Variants in PHACTR1 observed in about 807,000 individuals in gnomAD.
The protein encoded by PHACTR1 is RPEL repeat containing 1.
A neutral mutation model predicts 69.2 loss-of-function variants in PHACTR1; 16 were observed. The ratio of observed to expected loss-of-function variants is 0.23; its 90% CI spans 0.16 to 0.35. PHACTR1 has a LOEUF of 0.35. Among genes scored for constraint, PHACTR1 ranks in the 10% least tolerant of loss-of-function variants. The probability of loss-of-function intolerance (pLI) is 1.00; values close to 1 mark genes in which losing one functional copy is unlikely to be tolerated. For synonymous variants in PHACTR1, 312 were observed against 284.5 expected (o/e 1.10, Z -0.97); for missense variants, 510 against 734.7 (o/e 0.69, Z 3.54).
At chr6:12,748,048 G>A (rs1047381690) in intron 3 of PHACTR1, among the ~76,000 whole-genome samples, 1 of 152,170 alleles carries the variant, frequency 6.6e-6, no homozygotes, top group African/African-American at 2.4e-5. Flanking sequence ...CTATTAGAAG[G>A]ACATGGATAG....
chr6:12,925,338 C>T (rs1239858222), intron 4 of PHACTR1, among the ~76,000 whole-genome samples: 3 of 152,158 alleles, frequency 2.0e-5, no homozygotes, highest in African/African-American at 7.2e-5. Context: ...TATTGGTCAT[C>T]TAGGTCAGCA....
chr6:12,854,047 A>G (rs1310981090), intron 4 of PHACTR1, among the ~76,000 whole-genome samples: 1 of 152,208 alleles, frequency 6.6e-6, no homozygotes, highest in Non-Finnish European at 1.5e-5. Flanking sequence ...ATGTATTGAC[A>G]ACCCCAGGTG....
chr6:12,743,723 C>T (rs559579865), intron 3 of PHACTR1, among the ~76,000 whole-genome samples: 12 of 152,256 alleles, frequency 7.9e-5, no homozygotes, highest in African/African-American at 2.9e-4. Flanking sequence ...TTTAACACTC[C>T]ACTGTCAACA....
In PHACTR1 at chr6:13,116,879, A is replaced by G. The variant is rs951118682; in HGVS notation, c.416-43325A>G. 5.9e-5 allele frequency among the ~76,000 whole-genome samples: 9 copies of G among 152,252 alleles called. 1 individual carries two copies. The highest frequency in any genetic ancestry group is 8.8e-5 in the Non-Finnish European group (6 of 68,046). On this transcript the variant is annotated intron_variant, in intron 5 of 14. Coordinates refer to ENST00000332995, the MANE Select transcript of PHACTR1 (RefSeq NM_030948.6). ...GTCAGATGAGGAAATTGAGGCATATAGATTAAATTACTTGTCCCAAGTGAC... is the reference window on the plus strand; with the variant it reads ...GTCAGATGAGGAAATTGAGGCATATGGATTAAATTACTTGTCCCAAGTGAC...
At chr6:12,783,650 T>C (rs1034436973) in intron 4 of PHACTR1, among the ~76,000 whole-genome samples, 30 of 152,166 alleles carry the variant, frequency 2.0e-4, no homozygotes, top group African/African-American at 6.8e-4. Flanking sequence ...CTTTATTGCA[T>C]GGTAGATATT....
At chr6:12,848,894 C>T (rs889533790) in intron 4 of PHACTR1, among the ~76,000 whole-genome samples, 1 of 151,898 alleles carries the variant, frequency 6.6e-6, no homozygotes, top group Admixed American at 6.6e-5. Flanking sequence ...TTCATTAGAA[C>T]CACTAAAATG....
intron 4 of PHACTR1, among the ~76,000 whole-genome samples, chr6:12,948,749 G>A (rs1356511473): frequency 6.6e-6 from 1 of 152,116 alleles, no homozygotes; most frequent in Non-Finnish European, 1.5e-5. Flanking sequence ...TTTTTTATGT[G>A]TTCATCATCT....
At chr6:13,237,812 A>G (rs1474063642) in intron 10 of PHACTR1, among the ~76,000 whole-genome samples, 1 of 152,238 alleles carries the variant, frequency 6.6e-6, no homozygotes, top group Admixed American at 6.5e-5. Flanking sequence ...TTGCTCCTCA[A>G]CTACAAACCT....
At chr6:13,268,926 T>G (rs954680316) in intron 10 of PHACTR1, among the ~76,000 whole-genome samples, 1 of 152,148 alleles carries the variant, frequency 6.6e-6, no homozygotes, top group African/African-American at 2.4e-5. Flanking sequence ...AGCAGCCTAG[T>G]TAATAACAGA....
intron 10 of PHACTR1, among the ~76,000 whole-genome samples, chr6:13,239,705 A>C (rs986351291): frequency 1.3e-5 from 2 of 152,220 alleles, no homozygotes; most frequent in Admixed American, 6.5e-5. Flanking sequence ...AGGGATCTGC[A>C]TGGCCTCTTG....
chr6:13,166,876 A>C (rs1363356785), intron 6 of PHACTR1, among the ~76,000 whole-genome samples: 3 of 152,158 alleles, frequency 2.0e-5, no homozygotes, highest in African/African-American at 7.2e-5. Flanking sequence ...CAGGTTTTTC[A>C]ATCTGTGTTG....
intron 4 of PHACTR1, among the ~76,000 whole-genome samples, chr6:12,820,762 A>G (rs543490666): frequency 6.6e-6 from 1 of 152,186 alleles, no homozygotes; most frequent in Non-Finnish European, 1.5e-5. Context: ...TATTGCTTCA[A>G]ACTTAACATA....
At chr6:12,854,506 T>G (rs1278111821) in intron 4 of PHACTR1, among the ~76,000 whole-genome samples, 2 of 151,900 alleles carry the variant, frequency 1.3e-5, no homozygotes, top group Non-Finnish European at 2.9e-5. Context: ...GATGGATGAA[T>G]TTTTGTCCAG....
At chr6:12,968,085 T>C (rs1793714917) in intron 4 of PHACTR1, among the ~76,000 whole-genome samples, 1 of 152,152 alleles carries the variant, frequency 6.6e-6, no homozygotes, top group Non-Finnish European at 1.5e-5. Flanking sequence ...ACCAGAATTA[T>C]AGAACTCTTT....
At chr6:12,718,069 T>A (rs1254176060) in intron 2 of PHACTR1, among the ~76,000 whole-genome samples, 1 of 152,160 alleles carries the variant, frequency 6.6e-6, no homozygotes, top group Non-Finnish European at 1.5e-5. Flanking sequence ...AATGCTGCAA[T>A]CATTCTTGCT....
intron 10 of PHACTR1, among the ~76,000 whole-genome samples, chr6:13,249,797 CAAAAAAAAAA>C (rs5874406): frequency 2.5e-5 from 2 of 79,902 alleles, no homozygotes; most frequent in Admixed American, 1.3e-4. Flanking sequence ...AACTCCGTCT[CAAAAAAAAAA>C]AAAAAAAAAA....
chr6:13,047,656 A>G (rs1316138042), intron 4 of PHACTR1, among the ~76,000 whole-genome samples: 1 of 152,088 alleles, frequency 6.6e-6, no homozygotes, highest in African/African-American at 2.4e-5. Flanking sequence ...ACATGGGGAG[A>G]TCTCCACTGG....
chr6:12,881,778 T>C (rs1002585291), intron 4 of PHACTR1, among the ~76,000 whole-genome samples: 5 of 152,014 alleles, frequency 3.3e-5, no homozygotes, highest in African/African-American at 1.2e-4. Context: ...TTAAACTCAG[T>C]AAATAGACAT....
intron 4 of PHACTR1, among the ~76,000 whole-genome samples, chr6:13,038,252 A>G (rs1463088143): frequency 6.6e-6 from 1 of 152,212 alleles, no homozygotes; most frequent in African/African-American, 2.4e-5. Context: ...CACAGCTAGT[A>G]AGAACTGTGT....
Sources: allele counts gnomAD v4.1 joint callset (sites outside exome capture counted in the v4.1 genomes callset), GRCh38; gene constraint gnomAD v4.1.1; transcripts MANE v1.5; gene names NCBI Gene and HGNC (gene_info 2026-07-23, HGNC 2026-07-21).